The following RELT variants were observed in gnomAD, a reference collection of about 807,000 sequenced individuals.
The protein encoded by RELT is tumor necrosis factor receptor superfamily member 19L.
Under a neutral mutation model 51.1 loss-of-function variants are expected in RELT, and 37 were observed. The ratio of observed to expected loss-of-function variants is 0.72; its 90% CI spans 0.56 to 0.95. RELT has a LOEUF of 0.95. Among genes scored for constraint, RELT ranks in the 40% least tolerant of loss-of-function variants. RELT has a pLI of 0.00. For missense variants in RELT, 535 were observed against 572.6 expected, an observed-to-expected ratio of 0.93 and a Z score of 0.67; for synonymous variants, 241 against 235.7, an observed-to-expected ratio of 1.02 and a Z score of -0.21.
chr11:73,394,612 G>A lies in RELT; in HGVS notation c.924G>A (p.Leu308=). The stretch of plus-strand genomic sequence containing the variant: ...AGAAGAAGTGGCCCGAGGTGCTGCT[G>A]TCCCCTGAGGCTGTAGCCGCCACTA... ...CSQKKWPEVL[L]SPEAVAATTP... is the part of the protein sequence containing the mutation. The change falls in exon 9 of 11, where the codon CTG becomes CTA. Residue 308 remains leucine, a synonymous_variant. Coordinates refer to ENST00000064780, the MANE Select transcript of RELT (RefSeq NM_152222.2). The surrounding 1 kb of genome is among the most constrained non-coding windows in gnomAD (Gnocchi z 4.9). 6.2e-7 allele frequency: 1 copy of A among 1,613,262 alleles called. No homozygotes were observed. Among genetic ancestry groups the A allele is most frequent in the Non-Finnish European group, 8.5e-7 (1 of 1,180,012 alleles).
chr11:73,387,269 G>T (rs1382379625), intron 1 of RELT, among the ~76,000 whole-genome samples: 1 of 152,154 alleles, frequency 6.6e-6, no homozygotes, highest in East Asian at 1.9e-4. Context: ...CCAGCATCAG[G>T]CTCTGTCTTG....
At chr11:73,383,781 AGGGCCC>A (rs749197419) in intron 1 of RELT, among the ~76,000 whole-genome samples, 5 of 152,214 alleles carry the variant, frequency 3.3e-5, no homozygotes, top group African/African-American at 4.8e-5. Flanking sequence ...ACCCAGGATG[AGGGCCC>A]GGCCTGCACA....
rs943536210 is a variant in RELT, at chr11:73,393,194, C to G, written c.626-643C>G. On this transcript the variant is annotated intron_variant, in intron 6 of 10. Coordinates refer to ENST00000064780, the MANE Select transcript of RELT (RefSeq NM_152222.2). ...ACTGAAGTCTGGCGGGGGCAGGAAG[C>G]GGACAGGAGCAGTAAGCCGGCAGGA... 24 of 999,212 alleles carry G rather than the reference C, an allele frequency of 2.4e-5. No homozygotes were observed. In the Middle Eastern group the frequency reaches 2.1e-3, roughly 86 times the overall value. The allele number at this position is 999,212 out of a possible 1,614,324, so 61.9% of individuals were successfully genotyped here.
At position 73,394,209 on chromosome 11, in the gene RELT, T is replaced by C. The variant is rs780496169; in HGVS notation, c.707-27T>C. On this transcript the variant is annotated intron_variant, in intron 7 of 10. Coordinates refer to ENST00000064780, the MANE Select transcript of RELT (RefSeq NM_152222.2). The surrounding 1 kb of genome is among the most constrained non-coding windows in gnomAD (Gnocchi z 4.9). The stretch of plus-strand genomic sequence containing the variant: ...GGAGGTGTGTCCCATATGGCCACAG[T>C]GAGGGTCTGACTGCAGCTACCCACA... The C allele has an allele frequency of 1.8e-5, 28 of 1,576,676 alleles. No individual in the cohort carries two copies. In the South Asian group the frequency reaches 3.1e-4, roughly 17 times the overall value.
At chr11:73,381,449 T>C (rs775408661) in intron 1 of RELT, among the ~76,000 whole-genome samples, 2 of 151,912 alleles carry the variant, frequency 1.3e-5, no homozygotes, top group Non-Finnish European at 2.9e-5. Flanking sequence ...ACCCTTTCCC[T>C]CCCTCCCTCA....
In RELT at chr11:73,388,871, G is replaced by C. The variant is rs1866165133; in HGVS notation, c.-25-241G>C. Among the ~76,000 whole-genome samples, 1 of 152,228 alleles carries C rather than the reference G, an allele frequency of 6.6e-6. No individual in the cohort carries two copies. The highest frequency in any genetic ancestry group is 1.5e-5 in the Non-Finnish European group (1 of 68,028). On this transcript the variant is annotated intron_variant, in intron 1 of 10. Transcript: ENST00000064780. This position sits in a 1 kb window ranked among gnomAD's most constrained non-coding sequence, Gnocchi z 4.1. ...CCTCCTCTGGGAAGCCTCCCAGCCTGCAGAGCCTTCTTCCTGCCTTCCTGC... is the reference window on the plus strand; with the variant it reads ...CCTCCTCTGGGAAGCCTCCCAGCCTCCAGAGCCTTCTTCCTGCCTTCCTGC...
intron 1 of RELT, among the ~76,000 whole-genome samples, chr11:73,386,284 C>G (rs1866122594): frequency 6.6e-6 from 1 of 152,214 alleles, no homozygotes; most frequent in Non-Finnish European, 1.5e-5. Flanking sequence ...TGTCAGGCAT[C>G]GGAGGCTCTG....
At position 73,394,489 on chromosome 11, in the gene RELT, G is replaced by A. The variant is rs141705063; in HGVS notation, c.801G>A (p.Ala267=). 2,110 of 1,608,968 alleles carry A rather than the reference G, an allele frequency of 1.3e-3. 51 individuals carry two copies. In the East Asian group the frequency reaches 0.039, roughly 30 times the overall value. ...GTGCCCCCTGCAGGCTGCCGCCAGC[G>A]CCCCCGAACGTGCCACACATCTGCC... ...SHRPVSKLPP[A]PPNVPHICPH... The change falls in exon 9 of 11, where the codon GCG becomes GCA. Residue 267 remains alanine (A), a synonymous_variant. Coordinates refer to ENST00000064780, the MANE Select transcript of RELT (RefSeq NM_152222.2). This position sits in a 1 kb window ranked among gnomAD's most constrained non-coding sequence, Gnocchi z 4.9.
chr11:73,382,523 A>G (rs1049483829), intron 1 of RELT, among the ~76,000 whole-genome samples: 4 of 152,186 alleles, frequency 2.6e-5, no homozygotes, highest in African/African-American at 4.8e-5. Context: ...TTGGCAACAC[A>G]GGGCTGTCTG....
rs372176962 is a variant in RELT at position 73,395,524 on chromosome 11, G to C, written c.*33G>C. On this transcript the variant is annotated 3_prime_UTR_variant, in exon 11 of 11. Transcript: ENST00000064780. ...TCTAGTCTAAGGACACTGCGGCCCTGCCCTGGGAGGTTCCGAAGGCTTCCT... is the reference window on the plus strand; with the variant it reads ...TCTAGTCTAAGGACACTGCGGCCCTCCCCTGGGAGGTTCCGAAGGCTTCCT... The C allele has an allele frequency of 2.2e-4, 172 of 782,490 alleles. 1 individual carries two copies. The highest frequency in any genetic ancestry group is 1.6e-3 in the East Asian group (67 of 41,260). The allele number at this position is 782,490 out of a possible 1,614,324, so 48.5% of individuals were successfully genotyped here.
At chr11:73,390,436 G>A (rs1218278380) in intron 2 of RELT, 115 bp from the exon 3 acceptor site, 8 of 897,268 alleles carry the variant, frequency 8.9e-6, no homozygotes, top group African/African-American at 1.6e-5. Flanking sequence ...AAGCCCGGGT[G>A]GGGTAGTCAG....
At position 73,394,791 on chromosome 11, in the gene RELT, G is replaced by A. The variant is rs1427502461; in HGVS notation, c.1046+57G>A. 12 of 1,571,598 alleles carry A rather than the reference G, an allele frequency of 7.6e-6. No homozygotes were observed. In the East Asian group the frequency reaches 2.0e-4, roughly 27 times the overall value. On this transcript the variant is annotated intron_variant, in intron 9 of 10. Coordinates refer to ENST00000064780, the MANE Select transcript of RELT (RefSeq NM_152222.2). This position sits in a 1 kb window ranked among gnomAD's most constrained non-coding sequence, Gnocchi z 4.9. ...TAAAGACGTGACAGCCTGGGGGCCG[G>A]GAGGGGGAGGCAGGGCCCCAGCTTG... is the stretch of plus-strand genomic sequence containing the variant.
In RELT at chr11:73,392,345, A is replaced by G. The variant is rs765535167; in HGVS notation, c.502A>G (p.Ile168Val). 10 of 1,613,682 alleles carry G rather than the reference A, an allele frequency of 6.2e-6. No homozygotes were observed. The African/African-American group carries it at 1.2e-4, about 19-fold the overall frequency. Residue 168 changes from isoleucine to valine, a missense_variant, in exon 6 of 11, where the codon ATC (isoleucine) becomes GTC (valine). By Grantham distance (29) the Ile-to-Val change is conservative. Coordinates refer to ENST00000064780, the MANE Select transcript of RELT (RefSeq NM_152222.2). ...ETAAQYAVIA[I>V]VPVFCLMGLL... The stretch of plus-strand genomic sequence containing the variant: ...AGCCGCCCAGTACGCGGTCATCGCC[A>G]TCGTCCCTGTCTTCTGCCTCATGGG...
Position 73,395,190 on chromosome 11 carries a change from C to T in RELT, c.1150C>T (p.Pro384Ser), listed in dbSNP as rs140882608. The change falls in exon 10 of 11, where the codon CCA (proline) becomes TCA (serine). Residue 384 changes from proline (P) to serine (S), a missense_variant. Physicochemically the swap from Pro to Ser is moderately conservative, Grantham distance 74. Coordinates refer to ENST00000064780, the MANE Select transcript of RELT (RefSeq NM_152222.2). ...GPSWGDLPDS[P>S]QPGLPPEQQA... is the part of the protein sequence containing the mutation. Reference sequence around the variant, plus strand: ...CTCGTGGGGTGATCTCCCTGACTCCCCACAGCCTGGCCTCCCCCCTGAGCA... The same window carrying T: ...CTCGTGGGGTGATCTCCCTGACTCCTCACAGCCTGGCCTCCCCCCTGAGCA... 1.5e-4 allele frequency: 244 copies of T among 1,613,270 alleles called. No individual in the cohort carries two copies. The African/African-American group carries it at 3.0e-3, about 20-fold the overall frequency.
rs1866239544 is a variant in RELT at position 73,392,741 on chromosome 11, T to C, written c.625+273T>C. On this transcript the variant is annotated intron_variant, in intron 6 of 10. Transcript: ENST00000064780. The stretch of plus-strand genomic sequence containing the variant: ...GCCCAGATGTGGGGATCTGGACTCT[T>C]TGGAGGCCACAGTTGTGTGTATGGT... The C allele has an allele frequency of 1.1e-5, 15 of 1,383,248 alleles. No individual in the cohort carries two copies. In the East Asian group the frequency reaches 2.5e-4, roughly 23 times the overall value. The allele number at this position is 1,383,248 out of a possible 1,614,324, so 85.7% of individuals were successfully genotyped here. A position where few individuals can be genotyped will look rare whatever the true frequency, so the allele number is the denominator to read the frequency against.
Position 73,395,881 on chromosome 11 carries a change from T to G in RELT, c.*390T>G. 3.1e-6 allele frequency: 1 copy of G among 322,428 alleles called. No individual in the cohort carries two copies. Among genetic ancestry groups the G allele is most frequent in the Non-Finnish European group, 5.9e-6 (1 of 169,486 alleles). The allele number at this position is 322,428 out of a possible 1,614,324, so 20.0% of individuals were successfully genotyped here. On this transcript the variant is annotated 3_prime_UTR_variant, in exon 11 of 11. Transcript: ENST00000064780. ...ATTCCTTGGTAATTAGCCACACCCT[T>G]GCCTCTGTACAGGGCCCTAGAGCAG...
At position 73,387,448 on chromosome 11, in the gene RELT, AGACTTGT is replaced by A. The variant is rs781482179; in HGVS notation, c.-25-1660_-25-1654del. On this transcript the variant is annotated intron_variant, in intron 1 of 10. Transcript: ENST00000064780. Reference sequence around the variant, plus strand: ...CACTTTGGGGCAGAAACTGGAAGGAAGACTTGTGACCAAATTTAAGGAGTGACAGGGG... The same window carrying A: ...CACTTTGGGGCAGAAACTGGAAGGAAGACCAAATTTAAGGAGTGACAGGGG... Among the ~76,000 whole-genome samples the A allele has an allele frequency of 1.3e-3, 199 of 152,348 alleles. 1 individual carries two copies. The highest frequency in any genetic ancestry group is 2.4e-3 in the Non-Finnish European group (163 of 68,032).
chr11:73,389,215 G>A, intron 2 of RELT, 34 bp downstream of exon 2: 1 of 1,478,688 alleles, frequency 6.8e-7, no homozygotes, highest in Non-Finnish European at 9.1e-7. Flanking sequence ...AAGGAGAAAA[G>A]CCGCACCCTC....
At position 73,376,674 on chromosome 11, in the gene RELT, C is replaced by G. The variant is rs1214882271; in HGVS notation, c.-26+175C>G. 5 of 152,108 alleles carry G rather than the reference C, an allele frequency of 3.3e-5. No individual in the cohort carries two copies. In the East Asian group the frequency reaches 7.8e-4, roughly 24 times the overall value. 9.4% of individuals were successfully genotyped at this position (152,108 alleles called of 1,614,324 possible). ...CACCCCACTCCTCCCGCCTCGCGTC[C>G]TGTCCCGGCGCCTTCCGCGCACCGG... is the stretch of plus-strand genomic sequence containing the variant. On this transcript the variant is annotated intron_variant, in intron 1 of 10. Coordinates refer to ENST00000064780, the MANE Select transcript of RELT (RefSeq NM_152222.2).
Sources: allele counts gnomAD v4.1 joint callset (sites outside exome capture counted in the v4.1 genomes callset), GRCh38; gene constraint gnomAD v4.1.1; non-coding constraint Gnocchi (gnomAD v3.1); transcripts MANE v1.5; gene names NCBI Gene and HGNC (gene_info 2026-07-23, HGNC 2026-07-21).